The following LRPPRC variants were observed in gnomAD, a reference collection of about 807,000 sequenced individuals.
LRPPRC encodes leucine-rich PPR motif-containing protein, mitochondrial.
Under a neutral mutation model 180.3 loss-of-function variants are expected in LRPPRC, and 120 were observed. The ratio of observed to expected loss-of-function variants is 0.67; its 90% CI spans 0.57 to 0.77. The LOEUF (loss-of-function observed/expected upper bound fraction) is 0.77, where lower values mean the gene tolerates loss of function less well. LRPPRC is among the 30% of genes least tolerant of loss of function. LRPPRC has a pLI of 0.00. For synonymous variants in LRPPRC, 723 were observed against 600.0 expected, an observed-to-expected ratio of 1.21 and a Z score of -3.00; for missense variants, 2,012 against 1,657.2, an observed-to-expected ratio of 1.21 and a Z score of -3.72.
intron 27 of LRPPRC, among the ~76,000 whole-genome samples, chr2:43,922,630 G>A (rs1299989317): frequency 6.6e-6 from 1 of 152,154 alleles, no homozygotes; most frequent in African/African-American, 2.4e-5. Context: ...GTGGTGGCGG[G>A]CGCCTGTAGT....
intron 25 of LRPPRC, 54 bp downstream of exon 25, chr2:43,934,136 C>T (rs1430457354): frequency 4.0e-6 from 4 of 994,768 alleles, no homozygotes; most frequent in Non-Finnish European, 4.8e-6. Context: ...TAAATGTATT[C>T]TAATTAAGAG....
chr2:43,914,551 A>T (rs912089827), intron 29 of LRPPRC, among the ~76,000 whole-genome samples: 7 of 152,032 alleles, frequency 4.6e-5, no homozygotes, highest in African/African-American at 1.7e-4. Flanking sequence ...AACGTAGTGA[A>T]ACGCGGTCTA....
At position 43,982,497 on chromosome 2, in the gene LRPPRC, AAACTT is replaced by A. The variant is rs997777015; in HGVS notation, c.150-68_150-64del. ...ATCTATTTAGGTCATTTTTTGAACA[AAACTT>A]AAACAAATTTTAAAATTAGTTATTA... is the stretch of plus-strand genomic sequence containing the variant. On this transcript the variant is annotated intron_variant, in intron 1 of 37. Transcript: ENST00000260665. 1.4e-4 allele frequency: 174 copies of A among 1,259,574 alleles called. No homozygotes were observed. In the African/African-American group the frequency reaches 2.4e-3, roughly 17 times the overall value. 78.0% of individuals were successfully genotyped at this position (1,259,574 alleles called of 1,614,324 possible).
At chr2:43,987,277 C>T (rs1380735881) in intron 1 of LRPPRC, among the ~76,000 whole-genome samples, 1 of 151,936 alleles carries the variant, frequency 6.6e-6, no homozygotes, top group Admixed American at 6.6e-5. Flanking sequence ...GGGCAGATCA[C>T]GAGGTCAGGA....
intron 8 of LRPPRC, 54 bp downstream of exon 8, chr2:43,974,560 A>G: frequency 8.2e-7 from 1 of 1,215,028 alleles, no homozygotes; most frequent in Non-Finnish European, 1.2e-6. Flanking sequence ...ATCATGTAAG[A>G]ATAGCAATTC....
Position 43,934,801 on chromosome 2 carries a change from ACAT to A in LRPPRC, c.2579_2581del (p.Asp860del), listed in dbSNP as rs746725311. ...GCCTTTCTCTACCAGTTTACACAAGACATCATGAATCCTTGGTAATACTTTATA... is the reference window on the plus strand; with the variant it reads ...GCCTTTCTCTACCAGTTTACACAAGACATGAATCCTTGGTAATACTTTATA... On this transcript the variant is annotated inframe_deletion, in exon 24 of 38. Transcript: ENST00000260665. The A allele has an allele frequency of 6.2e-7, 1 of 1,611,272 alleles. No homozygotes were observed. The highest frequency in any genetic ancestry group is 1.7e-5 in the Admixed American group (1 of 60,022).
At chr2:43,936,722 C>G (rs913620524) in intron 23 of LRPPRC, among the ~76,000 whole-genome samples, 2 of 152,066 alleles carry the variant, frequency 1.3e-5, no homozygotes, top group African/African-American at 4.8e-5. Context: ...CTTACTAAGC[C>G]CTGTTTACAG....
chr2:43,942,282 T>G (rs1464300110), intron 23 of LRPPRC, among the ~76,000 whole-genome samples: 1 of 152,186 alleles, frequency 6.6e-6, no homozygotes, highest in Non-Finnish European at 1.5e-5. Flanking sequence ...CCCATTTCTT[T>G]CAAATCCTTC....
At chr2:43,931,873 T>G (rs1258484412) in intron 25 of LRPPRC, among the ~76,000 whole-genome samples, 2 of 152,100 alleles carry the variant, frequency 1.3e-5, no homozygotes, top group African/African-American at 4.8e-5. Context: ...GCTTCCCAGT[T>G]GGACCAGTTT....
At chr2:43,914,966 T>C (rs1671392051) in intron 29 of LRPPRC, among the ~76,000 whole-genome samples, 1 of 147,518 alleles carries the variant, frequency 6.8e-6, no homozygotes, top group African/African-American at 2.5e-5. Flanking sequence ...CCCAGCACTT[T>C]GGGAGGCTCA....
intron 11 of LRPPRC, among the ~76,000 whole-genome samples, chr2:43,971,923 C>T (rs1673832934): frequency 1.3e-5 from 2 of 152,294 alleles, no homozygotes; most frequent in South Asian, 2.1e-4. Flanking sequence ...TCTCAGAACA[C>T]ACAATATAAA....
In LRPPRC at chr2:43,960,573, G is replaced by C. The variant is rs1348130451; in HGVS notation, c.1550C>G (p.Ala517Gly). ...FSQAGLRSEA[A>G]NGNLDFVLSF... ...TAATACAAAGTCTAAGTTCCCATTT[G>C]CTGCTTCACTTCTCAATCCAGCTTG... The change falls in exon 13 of 38, where the codon GCA becomes GGA. Residue 517 changes from alanine to glycine, a missense_variant. Transcript: ENST00000260665. The C allele has an allele frequency of 1.9e-6, 3 of 1,602,690 alleles. No individual in the cohort carries two copies. The highest frequency in any genetic ancestry group is 2.2e-5 in the South Asian group (2 of 90,898).
chr2:43,920,267 C>A (rs1671652583), intron 27 of LRPPRC, among the ~76,000 whole-genome samples: 1 of 151,986 alleles, frequency 6.6e-6, no homozygotes. Context: ...TCCCGAGTAG[C>A]TGAGATTACA....
At chr2:43,943,579 A>T in intron 23 of LRPPRC, 108 bp downstream of exon 23, 1 of 886,100 alleles carries the variant, frequency 1.1e-6, no homozygotes, top group South Asian at 1.4e-5. Context: ...GTGGTAAATG[A>T]CCTCCAAGGC....
intron 14 of LRPPRC, among the ~76,000 whole-genome samples, chr2:43,955,660 A>C (rs1272422929): frequency 6.6e-6 from 1 of 152,006 alleles, no homozygotes; most frequent in Admixed American, 6.6e-5. Flanking sequence ...GGATCGCTTG[A>C]GCCCGGGAGG....
At chr2:43,962,842 T>A (rs990044535) in intron 12 of LRPPRC, among the ~76,000 whole-genome samples, 1 of 152,164 alleles carries the variant, frequency 6.6e-6, no homozygotes, top group Non-Finnish European at 1.5e-5. Flanking sequence ...CACAGTGACA[T>A]GTGCCTATAA....
At position 43,918,055 on chromosome 2, in the gene LRPPRC, ATAT is replaced by A; in HGVS notation, c.3115_3117del (p.Ile1039del). 6.2e-7 allele frequency: 1 copy of A among 1,612,686 alleles called. No homozygotes were observed. The highest frequency in any genetic ancestry group is 8.5e-7 in the Non-Finnish European group (1 of 1,179,550). The stretch of plus-strand genomic sequence containing the variant: ...TTTTGGTTCAATCGGCAGGCAATCA[ATAT>A]ATCTTTCTGGAAATCAGGTTCTGTG... On this transcript the variant is annotated inframe_deletion, in exon 29 of 38. Transcript: ENST00000260665.
chr2:43,889,917 A>G (rs368762454), intron 36 of LRPPRC, 41 bp from the exon 37 acceptor site: 1 of 1,477,328 alleles, frequency 6.8e-7, no homozygotes, highest in Non-Finnish European at 9.5e-7. Flanking sequence ...AGATAAAGAC[A>G]ACCTATCTTA....
intron 16 of LRPPRC, among the ~76,000 whole-genome samples, chr2:43,948,881 GTTT>G (rs369333710): frequency 6.8e-6 from 1 of 146,402 alleles, no homozygotes; most frequent in East Asian, 2.0e-4. Flanking sequence ...TTTCTATACT[GTTT>G]TTTTTTTGTG....
Sources: gnomAD v4.1 joint callset for allele counts (sites outside exome capture counted in the v4.1 genomes callset) on GRCh38, gnomAD v4.1.1 for gene constraint, MANE v1.5 for transcripts, NCBI Gene and HGNC (gene_info 2026-07-23, HGNC 2026-07-21) for gene names.